The following SNTB2 variants were observed in gnomAD, a reference collection of about 807,000 sequenced individuals.
SNTB2 encodes beta-2-syntrophin.
In SNTB2, 34 loss-of-function variants were observed where a neutral mutation model predicts 46.2. The observed-to-expected ratio is 0.74, with a 90% CI of 0.56 to 0.98. The LOEUF (loss-of-function observed/expected upper bound fraction) is 0.98, where lower values mean the gene tolerates loss of function less well. Ranked by LOEUF, SNTB2 falls within the 50% of genes least tolerant of loss-of-function variation. The probability of loss-of-function intolerance (pLI) is 0.00; values close to 1 mark genes in which losing one functional copy is unlikely to be tolerated. For missense variants in SNTB2, 603 were observed against 731.4 expected (o/e 0.82, Z 2.02); for synonymous variants, 290 against 312.6 (o/e 0.93, Z 0.76).
At chr16:69,284,344 A>C in intron 5 of SNTB2, 100 bp downstream of exon 5, 5 of 914,504 alleles carry the variant, frequency 5.5e-6, no homozygotes, top group Non-Finnish European at 7.9e-6. Flanking sequence ...GATTGCATAC[A>C]TGACAGCAGT....
intron 3 of SNTB2, among the ~76,000 whole-genome samples, chr16:69,262,403 T>G (rs1309178814): frequency 6.6e-6 from 1 of 151,914 alleles, no homozygotes; most frequent in Non-Finnish European, 1.5e-5. Context: ...CCTCCCGGGT[T>G]GTTGATACTA....
chr16:69,204,081 C>T (rs944876929), intron 1 of SNTB2, among the ~76,000 whole-genome samples: 8 of 152,120 alleles, frequency 5.3e-5, no homozygotes, highest in African/African-American at 9.7e-5. Context: ...TTAGTGGAGC[C>T]GGAGTTTCAC....
intron 5 of SNTB2, among the ~76,000 whole-genome samples, chr16:69,289,180 A>C (rs1249982739): frequency 6.6e-6 from 1 of 151,310 alleles, no homozygotes; most frequent in African/African-American, 2.4e-5. Flanking sequence ...GAGGCAAGAG[A>C]ATTGCTTGAA....
chr16:69,255,638 T>A (rs964636378), intron 2 of SNTB2, among the ~76,000 whole-genome samples: 15 of 151,698 alleles, frequency 9.9e-5, no homozygotes, highest in African/African-American at 3.4e-4. Context: ...CCCAATACTT[T>A]GGGAGGCTGA....
In SNTB2 at chr16:69,187,758, C is replaced by A; in HGVS notation, c.580+12C>A. 6.5e-6 allele frequency: 1 copy of A among 153,298 alleles called. No homozygotes were observed. The highest frequency in any genetic ancestry group is 1.1e-5 in the Non-Finnish European group (1 of 91,454). The allele number at this position is 153,298 out of a possible 1,614,324, so 9.5% of individuals were successfully genotyped here. On this transcript the variant is annotated intron_variant, in intron 1 of 6. Coordinates refer to ENST00000336278, the MANE Select transcript of SNTB2 (RefSeq NM_006750.4). ...GGTGCTGCTGGAGGGTGAGCGGGGC[C>A]GGGCGGGAGGGTGGGCAGGCCGCGG... is the stretch of plus-strand genomic sequence containing the variant.
chr16:69,207,751 C>G (rs1177500449), intron 1 of SNTB2, among the ~76,000 whole-genome samples: 1 of 152,010 alleles, frequency 6.6e-6, no homozygotes, highest in Non-Finnish European at 1.5e-5. Context: ...ACTTCACCTC[C>G]CATCCAAGTG....
At chr16:69,261,217 C>G (rs995330458) in intron 3 of SNTB2, among the ~76,000 whole-genome samples, 1 of 151,954 alleles carries the variant, frequency 6.6e-6, no homozygotes, top group African/African-American at 2.4e-5. Context: ...GCAGAATCAG[C>G]ACAGGAAGGA....
intron 1 of SNTB2, among the ~76,000 whole-genome samples, chr16:69,228,662 A>G (rs1204230111): frequency 6.6e-6 from 1 of 152,052 alleles, no homozygotes; most frequent in African/African-American, 2.4e-5. Flanking sequence ...CCACTATACT[A>G]TACTCTCTCT....
intron 1 of SNTB2, among the ~76,000 whole-genome samples, chr16:69,233,242 T>G (rs1964524966): frequency 6.6e-6 from 1 of 152,192 alleles, no homozygotes; most frequent in Non-Finnish European, 1.5e-5. Flanking sequence ...ACTTTAGATA[T>G]GCTGGTACAT....
In SNTB2 at chr16:69,251,369, AT is replaced by A. The variant is rs1033325082; in HGVS notation, c.794+5565del. On this transcript the variant is annotated intron_variant, in intron 2 of 6. Coordinates refer to ENST00000336278, the MANE Select transcript of SNTB2 (RefSeq NM_006750.4). ...TTACTGAATATTTTTGTAATGTCCT[AT>A]TTTTTTTTTTCTTCTGATTTAAAGG... Among the ~76,000 whole-genome samples, 460 of 118,386 alleles carry A rather than the reference AT, an allele frequency of 3.9e-3. 1 individual carries two copies. The highest frequency in any genetic ancestry group is 0.011 in the African/African-American group (353 of 31,228). 77.7% of individuals were successfully genotyped at this position (118,386 alleles called of 152,430 possible).
At chr16:69,279,296 G>A (rs1043328333) in intron 4 of SNTB2, among the ~76,000 whole-genome samples, 14 of 151,978 alleles carry the variant, frequency 9.2e-5, no homozygotes, top group Admixed American at 7.9e-4. Flanking sequence ...GGCTAAGTGT[G>A]GTAGATTATG....
At chr16:69,242,558 A>T (rs144514912) in intron 1 of SNTB2, among the ~76,000 whole-genome samples, 1 of 152,370 alleles carries the variant, frequency 6.6e-6, no homozygotes, top group African/African-American at 2.4e-5. Context: ...AAAAAAATGC[A>T]ATCCTACACC....
intron 3 of SNTB2, among the ~76,000 whole-genome samples, chr16:69,268,093 T>G (rs924373265): frequency 2.0e-5 from 3 of 152,170 alleles, no homozygotes; most frequent in Non-Finnish European, 2.9e-5. Context: ...TTTCTTGAAG[T>G]TTAAAACCTT....
At chr16:69,264,696 A>G (rs191690570) in intron 3 of SNTB2, among the ~76,000 whole-genome samples, 115 of 152,316 alleles carry the variant, frequency 7.6e-4, no homozygotes, top group African/African-American at 2.4e-3. Context: ...CCTCCAAAGA[A>G]GAAAGAAAAA....
Position 69,284,461 on chromosome 16 carries a change from A to T in SNTB2, c.1345+217A>T, listed in dbSNP as rs1340299728. 9.3e-4 allele frequency among the ~76,000 whole-genome samples: 13 copies of T among 13,978 alleles called. No individual in the cohort carries two copies. In the South Asian group the frequency reaches 0.023, roughly 25 times the overall value. The allele number at this position is 13,978 out of a possible 152,430, so 9.2% of individuals were successfully genotyped here. A position where few individuals can be genotyped will look rare whatever the true frequency, so the allele number is the denominator to read the frequency against. On this transcript the variant is annotated intron_variant, in intron 5 of 6. Transcript: ENST00000336278. ...ACATGGTGAAACCCCGTCTTTACTA[A>T]AAAAAAAAAAAAAAAAAAAAAAAAA...
At position 69,260,261 on chromosome 16, in the gene SNTB2, G is replaced by T. The variant is rs973476230; in HGVS notation, c.1005+1G>T. 6.2e-7 allele frequency: 1 copy of T among 1,613,824 alleles called. No individual in the cohort carries two copies. On this transcript the variant is annotated splice_donor_variant, in intron 3 of 6. Transcript: ENST00000336278. LOFTEE classifies it high-confidence loss of function. ...GCATATTGCCTGGCTGGCAGAACAG[G>T]TAGGCTGGGAGGCAGGGCAGAGTAT... is the stretch of plus-strand genomic sequence containing the variant.
At chr16:69,216,691 C>T (rs912582991) in intron 1 of SNTB2, among the ~76,000 whole-genome samples, 5 of 151,686 alleles carry the variant, frequency 3.3e-5, no homozygotes, top group African/African-American at 4.8e-5. Flanking sequence ...CTGCCCCCCC[C>T]CCAAAAAAAA....
rs774774417 is a variant in SNTB2, at chr16:69,187,208, G to A, written c.42G>A (p.Pro14=). 1.3e-5 allele frequency: 19 copies of A among 1,422,364 alleles called. No homozygotes were observed. Among genetic ancestry groups the A allele is most frequent in the African/African-American group, 7.4e-5 (5 of 67,974 alleles). 88.1% of individuals were successfully genotyped at this position (1,422,364 alleles called of 1,614,324 possible). Residue 14 remains proline, a synonymous_variant, in exon 1 of 7, where the codon CCG becomes CCA. Coordinates refer to ENST00000336278, the MANE Select transcript of SNTB2 (RefSeq NM_006750.4). ...CGACTGCGGCGGCTGGAGCGGGGCC[G>A]GCCATGGCGGTGTGGACGCGGGCCA... ...AAATAAAGAG[P]AMAVWTRATK...
At chr16:69,284,849 A>T (rs1033675924) in intron 5 of SNTB2, among the ~76,000 whole-genome samples, 8 of 152,076 alleles carry the variant, frequency 5.3e-5, no homozygotes, top group Non-Finnish European at 1.0e-4. Flanking sequence ...CGGGAGACTG[A>T]GTGAGTTGAG....
Sources: gnomAD v4.1 joint callset for allele counts (sites outside exome capture counted in the v4.1 genomes callset) on GRCh38, gnomAD v4.1.1 for gene constraint, MANE v1.5 for transcripts, NCBI Gene and HGNC (gene_info 2026-07-23, HGNC 2026-07-21) for gene names.